NSFL1C: variants seen among roughly 807,000 people sequenced by gnomAD.
NSFL1C encodes the protein NSFL1 cofactor.
A neutral mutation model predicts 43.1 loss-of-function variants in NSFL1C; 14 were observed. That is an observed-to-expected ratio of 0.32 (90% confidence interval 0.21 to 0.51). The LOEUF is 0.51. Ranked by LOEUF, NSFL1C falls within the 20% of genes least tolerant of loss-of-function variation. The pLI, the probability that NSFL1C is intolerant of heterozygous loss-of-function variation, is 0.98. For missense variants in NSFL1C, 406 were observed against 472.5 expected (o/e 0.86, Z 1.30); for synonymous variants, 171 against 183.5 (o/e 0.93, Z 0.55).
intron 2 of NSFL1C, among the ~76,000 whole-genome samples, chr20:1,461,442 G>A (rs183189955): frequency 5.9e-5 from 9 of 152,210 alleles, no homozygotes; most frequent in Admixed American, 4.6e-4. Context: ...GCAAGAGAGC[G>A]GGCACACCTG....
chr20:1,455,594 A>C (rs1296856879), intron 3 of NSFL1C: 10 of 768,452 alleles, frequency 1.3e-5, no homozygotes, highest in Non-Finnish European at 2.4e-5. Flanking sequence ...TGGTTAGTAC[A>C]AGCAGCTAGG....
chr20:1,462,350 C>T (rs35690541), intron 2 of NSFL1C, among the ~76,000 whole-genome samples: 1 of 152,192 alleles, frequency 6.6e-6, no homozygotes. Context: ...ATGCAACACA[C>T]TGCGCCCTCC....
rs746953993 is a variant in NSFL1C, at chr20:1,464,399, C to T, written c.133G>A (p.Gly45Arg). The T allele has an allele frequency of 5.0e-6, 8 of 1,614,160 alleles. No individual in the cohort carries two copies. Among genetic ancestry groups the T allele is most frequent in the South Asian group, 2.2e-5 (2 of 91,096 alleles). ...ATGGTCACAATGTCTTCATCCCCTCCGTCCTCATAAAAGCTCGCTAGCGCG... is the reference window on the plus strand; with the variant it reads ...ATGGTCACAATGTCTTCATCCCCTCTGTCCTCATAAAAGCTCGCTAGCGCG... ...QIALASFYEDGGDEDIVTISQ... is the reference protein window; with the variant it reads ...QIALASFYEDRGDEDIVTISQ... The change falls in exon 2 of 9, where the codon GGA becomes AGA. Residue 45 changes from glycine (G) to arginine (R), a missense_variant. By Grantham distance (125) the Gly-to-Arg change is moderately radical (BLOSUM62 -2). Coordinates refer to ENST00000216879, the MANE Select transcript of NSFL1C (RefSeq NM_016143.5).
intron 7 of NSFL1C, among the ~76,000 whole-genome samples, chr20:1,447,961 C>A (rs1014659980): frequency 6.6e-6 from 1 of 152,190 alleles, no homozygotes. Flanking sequence ...AATGAACAAG[C>A]CTCCTTTCAG....
intron 3 of NSFL1C, chr20:1,455,694 G>A (rs549583149): frequency 3.8e-6 from 3 of 779,608 alleles, no homozygotes; most frequent in Non-Finnish European, 7.2e-6. Context: ...CGGGAGGGAA[G>A]GACCACATGC....
rs180703922 is a variant in NSFL1C, at chr20:1,458,047, G to A, written c.278+153C>T. On this transcript the variant is annotated intron_variant, in intron 3 of 8. Transcript: ENST00000216879. Reference sequence around the variant, plus strand: ...CACTTCTAAGCTACAAGGAGTAGAAGAGACTTCCTAAGATATAACCCACAC... The same window carrying A: ...CACTTCTAAGCTACAAGGAGTAGAAAAGACTTCCTAAGATATAACCCACAC... 1.6e-4 allele frequency: 101 copies of A among 637,656 alleles called. No individual in the cohort carries two copies. In the East Asian group the frequency reaches 2.5e-3, roughly 16 times the overall value. 39.5% of individuals were successfully genotyped at this position (637,656 alleles called of 1,614,324 possible).
intron 1 of NSFL1C, among the ~76,000 whole-genome samples, chr20:1,466,116 G>A (rs1006978327): frequency 2.0e-5 from 3 of 152,298 alleles, no homozygotes; most frequent in South Asian, 2.1e-4. Context: ...TCCCTGCCTC[G>A]TGAAGCTTAA....
intron 1 of NSFL1C, among the ~76,000 whole-genome samples, chr20:1,464,691 G>A (rs1164056737): frequency 2.6e-5 from 4 of 152,208 alleles, no homozygotes; most frequent in South Asian, 2.1e-4. Context: ...ATGAAGAAAC[G>A]TGATCTAGTA....
rs760806155 is a variant in NSFL1C at position 1,455,038 on chromosome 20, C to A, written c.373G>T (p.Gly125Cys). The A allele has an allele frequency of 3.7e-6, 6 of 1,614,038 alleles. No homozygotes were observed. The African/African-American group carries it at 8.0e-5, about 22-fold the overall frequency. Reference protein sequence around the residue: ...PNELVDDLFKGAKEHGAVAVE... With the variant: ...PNELVDDLFKCAKEHGAVAVE... ...GCTACAGCTCCATGCTCTTTGGCAC[C>A]TTTAAAGAGATCATCCACCAGCTCG... is the stretch of plus-strand genomic sequence containing the variant. Residue 125 changes from glycine (G) to cysteine (C), a missense_variant, in exon 4 of 9, where the codon GGT (glycine) becomes TGT (cysteine). Gly to Cys is a radical substitution (Grantham distance 159). Around this residue, in one of 3 missense-constraint regions of NSFL1C, gnomAD observed 203 missense variants for 216.3 expected, o/e 0.94. Coordinates refer to ENST00000216879, the MANE Select transcript of NSFL1C (RefSeq NM_016143.5).
rs371393612 is a variant in NSFL1C at position 1,452,562 on chromosome 20, C to T, written c.716G>A (p.Arg239Gln). 3.8e-5 allele frequency: 61 copies of T among 1,614,042 alleles called. No individual in the cohort carries two copies. In the East Asian group the frequency reaches 5.1e-4, roughly 14 times the overall value. ...TTTGGGCTTCACAAAGTCCTCGTCC[C>T]GATGGTCCTCCATATCCAAGTTCAC... ...GQVNLDMEDH[R>Q]DEDFVKPKGA... Residue 239 changes from arginine to glutamine, a missense_variant, in exon 7 of 9, where the codon CGG (arginine) becomes CAG (glutamine). Arg to Gln is a conservative substitution (Grantham distance 43). Around this residue, in one of 3 missense-constraint regions of NSFL1C, gnomAD observed 196 missense variants for 228.0 expected, o/e 0.86. Coordinates refer to ENST00000216879, the MANE Select transcript of NSFL1C (RefSeq NM_016143.5).
intron 2 of NSFL1C, among the ~76,000 whole-genome samples, chr20:1,459,612 G>A (rs1297441831): frequency 6.6e-6 from 1 of 152,088 alleles, no homozygotes; most frequent in South Asian, 2.1e-4. Flanking sequence ...GACAATCAGG[G>A]GACAGAAGAG....
intron 1 of NSFL1C, among the ~76,000 whole-genome samples, chr20:1,465,954 G>A (rs1421907426): frequency 6.6e-6 from 1 of 152,172 alleles, no homozygotes; most frequent in East Asian, 1.9e-4. Context: ...CTCATGGTAG[G>A]TACTCAATAA....
Position 1,443,462 on chromosome 20 carries a change from T to A in NSFL1C, c.*287A>T, listed in dbSNP as rs532024952. The stretch of plus-strand genomic sequence containing the variant: ...ATATAATTTTAAAGCAATTAAAGCC[T>A]GCTTCAGTGGGAGAGTTTCCGTACA... On this transcript the variant is annotated 3_prime_UTR_variant, in exon 9 of 9. Coordinates refer to ENST00000216879, the MANE Select transcript of NSFL1C (RefSeq NM_016143.5). 9 of 278,646 alleles carry A rather than the reference T, an allele frequency of 3.2e-5. 1 individual carries two copies. The highest frequency in any genetic ancestry group is 1.7e-4 in the African/African-American group (8 of 46,634). The allele number at this position is 278,646 out of a possible 1,614,324, so 17.3% of individuals were successfully genotyped here. A position where few individuals can be genotyped will look rare whatever the true frequency, so the allele number is the denominator to read the frequency against.
Position 1,445,746 on chromosome 20 carries a change from G to C in NSFL1C, c.870C>G (p.Asp290Glu). Residue 290 changes from aspartate to glutamate, a missense_variant, in exon 8 of 9, where the codon GAC becomes GAG. Physicochemically the swap from Asp to Glu is conservative, Grantham distance 45. Coordinates refer to ENST00000216879, the MANE Select transcript of NSFL1C (RefSeq NM_016143.5). ...EAKASSSILI[D>E]ESEPTTNIQI... ...GGATGTTTGTGGTAGGCTCTGATTCGTCGATTAAGATGGAAGAGCTGGCTT... is the reference window on the plus strand; with the variant it reads ...GGATGTTTGTGGTAGGCTCTGATTCCTCGATTAAGATGGAAGAGCTGGCTT... 1 of 1,614,020 alleles carries C rather than the reference G, an allele frequency of 6.2e-7. No homozygotes were observed. The highest frequency in any genetic ancestry group is 8.5e-7 in the Non-Finnish European group (1 of 1,179,984).
intron 1 of NSFL1C, among the ~76,000 whole-genome samples, chr20:1,465,686 T>C (rs2090495494): frequency 6.6e-6 from 1 of 152,212 alleles, no homozygotes; most frequent in African/African-American, 2.4e-5. Flanking sequence ...CAATTCCTCA[T>C]CCATAAAATG....
In NSFL1C at chr20:1,448,601, A is replaced by C. The variant is rs563281308; in HGVS notation, c.786-2771T>G. ...TTCTCTTACACACTCCCTAAAAATTAGGTGAGGCAGGGTGGCCTGATAAAC... is the reference window on the plus strand; with the variant it reads ...TTCTCTTACACACTCCCTAAAAATTCGGTGAGGCAGGGTGGCCTGATAAAC... On this transcript the variant is annotated intron_variant, in intron 7 of 8. Coordinates refer to ENST00000216879, the MANE Select transcript of NSFL1C (RefSeq NM_016143.5). 5.4e-4 allele frequency among the ~76,000 whole-genome samples: 82 copies of C among 152,298 alleles called. 1 individual carries two copies. In the South Asian group the frequency reaches 0.016, roughly 30 times the overall value.
chr20:1,452,346 C>T, intron 7 of NSFL1C, 147 bp downstream of exon 7: 1 of 1,099,358 alleles, frequency 9.1e-7, no homozygotes, highest in African/African-American at 1.6e-5. Context: ...AGTCCATGTT[C>T]TCCACACTCT....
At chr20:1,455,627 G>A in intron 3 of NSFL1C, 1 of 778,726 alleles carries the variant, frequency 1.3e-6, no homozygotes. Context: ...CTCTGCCACT[G>A]TATGTCCTGG....
intron 1 of NSFL1C, among the ~76,000 whole-genome samples, chr20:1,465,452 T>C (rs1003975730): frequency 6.6e-6 from 1 of 152,236 alleles, no homozygotes; most frequent in Non-Finnish European, 1.5e-5. Context: ...AGAAGATCTG[T>C]TGGTCACAAC....
Sources: allele counts gnomAD v4.1 joint callset (sites outside exome capture counted in the v4.1 genomes callset), GRCh38; gene constraint gnomAD v4.1.1; regional missense constraint gnomAD v4.1.1; transcripts MANE v1.5; gene names NCBI Gene and HGNC (gene_info 2026-07-23, HGNC 2026-07-21).